The following ACACA variants were observed in gnomAD, a reference collection of about 807,000 sequenced individuals.
ACACA encodes the protein acetyl-CoA carboxylase 1.
Under a neutral mutation model 296.1 loss-of-function variants are expected in ACACA, and 103 were observed. That is an observed-to-expected ratio of 0.35 (90% CI 0.30 to 0.41). The LOEUF is 0.41. ACACA is among the 10% of genes least tolerant of loss of function. ACACA has a pLI of 1.00. For synonymous variants in ACACA, 953 were observed against 1,038.6 expected (o/e 0.92, Z 1.58); for missense variants, 1,554 against 2,989.7 (o/e 0.52, Z 11.20).
chr17:37,343,532 C>T (rs2048478802), intron 1 of ACACA, among the ~76,000 whole-genome samples: 1 of 151,550 alleles, frequency 6.6e-6, no homozygotes, highest in Non-Finnish European at 1.5e-5. Flanking sequence ...TTTGGGAGGC[C>T]AAGGCAGGTG....
At chr17:37,313,272 G>C (rs1359585558) in intron 3 of ACACA, among the ~76,000 whole-genome samples, 1 of 151,428 alleles carries the variant, frequency 6.6e-6, no homozygotes, top group Non-Finnish European at 1.5e-5. Context: ...ACATCCTGCA[G>C]GTGTACCCCA....
intron 3 of ACACA, among the ~76,000 whole-genome samples, chr17:37,315,829 T>A (rs568663941): frequency 2.0e-5 from 3 of 152,314 alleles, no homozygotes; most frequent in Non-Finnish European, 4.4e-5. Flanking sequence ...CAAGGTTTTA[T>A]GGAGGTTTCA....
chr17:37,132,268 T>C (rs1177444510), intron 45 of ACACA, among the ~76,000 whole-genome samples: 1 of 152,210 alleles, frequency 6.6e-6, no homozygotes, highest in Non-Finnish European at 1.5e-5. Flanking sequence ...TTTATATCTT[T>C]AAATGTGCAC....
intron 33 of ACACA, among the ~76,000 whole-genome samples, chr17:37,204,926 A>G (rs529427088): frequency 6.6e-6 from 1 of 152,316 alleles, no homozygotes; most frequent in South Asian, 2.1e-4. Context: ...TGTGGTGATG[A>G]GCAGAATGGA....
At chr17:37,289,136 G>A (rs749188359) in intron 3 of ACACA, among the ~76,000 whole-genome samples, 5 of 151,856 alleles carry the variant, frequency 3.3e-5, no homozygotes, top group Non-Finnish European at 7.4e-5. Flanking sequence ...GGTGGCAGGC[G>A]CCTGTAGTCC....
At chr17:37,369,681 G>T (rs1015091854) in intron 1 of ACACA, among the ~76,000 whole-genome samples, 3 of 151,780 alleles carry the variant, frequency 2.0e-5, no homozygotes, top group African/African-American at 7.3e-5. Flanking sequence ...ATTTGTGATG[G>T]CAAGAATCTG....
chr17:37,362,080 G>C (rs1453596263), intron 1 of ACACA, among the ~76,000 whole-genome samples: 1 of 152,130 alleles, frequency 6.6e-6, no homozygotes, highest in East Asian at 1.9e-4. Context: ...CGAGGACACA[G>C]ACACACATAT....
intron 3 of ACACA, among the ~76,000 whole-genome samples, chr17:37,300,414 T>C (rs116602675): frequency 3.9e-4 from 59 of 152,286 alleles, no homozygotes; most frequent in African/African-American, 1.4e-3. Context: ...CCTAAAGGCT[T>C]AGAATCTATA....
intron 1 of ACACA, among the ~76,000 whole-genome samples, chr17:37,390,252 ATTATATATAATTATATATAATAT>A (rs2050767779): frequency 3.1e-5 from 1 of 31,772 alleles, no homozygotes; most frequent in Non-Finnish European, 4.4e-5. Context: ...TTATATATAT[ATTATATATAATTATATATAATAT>A]ATTATATATA....
chr17:37,193,783 T>A (rs1190036331), intron 35 of ACACA, among the ~76,000 whole-genome samples: 2 of 152,154 alleles, frequency 1.3e-5, no homozygotes, highest in Non-Finnish European at 2.9e-5. Flanking sequence ...GCAATAGTAG[T>A]TAATGGACTG....
chr17:37,289,265 AAAAAAAC>A (rs200165442), intron 3 of ACACA, among the ~76,000 whole-genome samples: 3,843 of 152,112 alleles, frequency 0.025, 119 homozygotes, highest in African/African-American at 0.073. Context: ...CCATCTCAAA[AAAAAAAC>A]AAAAAACAAA....
At chr17:37,298,059 G>A (rs2083441711) in intron 3 of ACACA, among the ~76,000 whole-genome samples, 1 of 152,174 alleles carries the variant, frequency 6.6e-6, no homozygotes, top group Admixed American at 6.5e-5. Context: ...CTGGGCTCAA[G>A]CAATCCTCTG....
At chr17:37,355,353 C>A (rs1236085060) in intron 1 of ACACA, among the ~76,000 whole-genome samples, 1 of 151,856 alleles carries the variant, frequency 6.6e-6, no homozygotes, top group Non-Finnish European at 1.5e-5. Flanking sequence ...GTCAGGAGTT[C>A]AAGACCAGGC....
At chr17:37,299,726 G>C in intron 3 of ACACA, 1 of 1,003,122 alleles carries the variant, frequency 1.0e-6, no homozygotes, top group Non-Finnish European at 1.2e-6. Flanking sequence ...ACTTTCTTCT[G>C]ACAGTCAACG....
chr17:37,299,887 A>T, intron 3 of ACACA: 1 of 731,250 alleles, frequency 1.4e-6, no homozygotes, highest in South Asian at 6.2e-5. Context: ...CTAAAGAGGT[A>T]ATTTCTGAGA....
chr17:37,167,952 G>A (rs2076747245), intron 41 of ACACA, among the ~76,000 whole-genome samples: 1 of 152,078 alleles, frequency 6.6e-6, no homozygotes, highest in Admixed American at 6.5e-5. Context: ...TGACTATGAA[G>A]ACTATGAATA....
intron 1 of ACACA, among the ~76,000 whole-genome samples, chr17:37,374,294 T>C (rs1381752398): frequency 1.3e-5 from 2 of 151,508 alleles, no homozygotes; most frequent in Non-Finnish European, 2.9e-5. Context: ...CTTTTCTTTT[T>C]TTTTTTTTTG....
intron 39 of ACACA, among the ~76,000 whole-genome samples, chr17:37,186,202 G>A (rs774692363): frequency 1.1e-4 from 16 of 152,136 alleles, no homozygotes; most frequent in Non-Finnish European, 1.9e-4. Context: ...ATGAAAATAT[G>A]TACACATTTT....
chr17:37,272,219 C>G (rs1480207513), intron 9 of ACACA, among the ~76,000 whole-genome samples: 2 of 152,044 alleles, frequency 1.3e-5, no homozygotes, highest in East Asian at 3.9e-4. Flanking sequence ...TGGCGGTAAC[C>G]TGTAATCACA....
Sources: gnomAD v4.1 joint callset for allele counts (sites outside exome capture counted in the v4.1 genomes callset) on GRCh38, gnomAD v4.1.1 for gene constraint, MANE v1.5 for transcripts, NCBI Gene and HGNC (gene_info 2026-07-23, HGNC 2026-07-21) for gene names.